Variants in STPG2 observed in about 807,000 individuals in gnomAD.
STPG2 encodes the protein sperm tail PG-rich repeat containing 2.
Under a neutral mutation model 54.2 loss-of-function variants are expected in STPG2, and 56 were observed. The observed-to-expected ratio is 1.03, with a 90% CI of 0.83 to 1.29. STPG2 has a LOEUF of 1.29. STPG2 is among the 50% of genes most tolerant of loss of function. The probability of loss-of-function intolerance (pLI) is 0.00; values close to 1 mark genes in which losing one functional copy is unlikely to be tolerated. For synonymous variants in STPG2, 200 were observed against 181.8 expected, an observed-to-expected ratio of 1.10 and a Z score of -0.81; for missense variants, 596 against 544.9, an observed-to-expected ratio of 1.09 and a Z score of -0.93.
chr4:97,658,061 A>G (rs1335650338), intron 10 of STPG2, among the ~76,000 whole-genome samples: 1 of 152,196 alleles, frequency 6.6e-6, no homozygotes, highest in Non-Finnish European at 1.5e-5. Flanking sequence ...GGAGAATTCT[A>G]TGATGATGGA....
At chr4:97,984,233 C>T (rs1444515725) in intron 5 of STPG2, among the ~76,000 whole-genome samples, 1 of 152,174 alleles carries the variant, frequency 6.6e-6, no homozygotes, top group Non-Finnish European at 1.5e-5. Flanking sequence ...GAACCTCCAC[C>T]TCTTGGGTTC....
intron 7 of STPG2, among the ~76,000 whole-genome samples, chr4:97,959,850 A>G (rs1417664483): frequency 2.6e-5 from 4 of 152,144 alleles, no homozygotes; most frequent in Admixed American, 2.6e-4. Context: ...CATTCTATAA[A>G]GCCAGTATCA....
At chr4:97,863,636 A>C (rs1305083983) in intron 8 of STPG2, among the ~76,000 whole-genome samples, 4 of 152,136 alleles carry the variant, frequency 2.6e-5, no homozygotes, top group African/African-American at 7.2e-5. Context: ...CCTGGCAGAG[A>C]CACAACAAAA....
chr4:97,874,614 T>A (rs1730108665), intron 8 of STPG2, among the ~76,000 whole-genome samples: 1 of 151,780 alleles, frequency 6.6e-6, no homozygotes, highest in South Asian at 2.1e-4. Flanking sequence ...GATTCAAATA[T>A]TTCATAGTAT....
At chr4:98,112,167 G>A (rs887616373) in intron 3 of STPG2, among the ~76,000 whole-genome samples, 1 of 151,876 alleles carries the variant, frequency 6.6e-6, no homozygotes, top group African/African-American at 2.4e-5. Flanking sequence ...ATGTTTCAAT[G>A]ATGGACTGCA....
At chr4:98,057,448 G>C (rs947021919) in intron 5 of STPG2, among the ~76,000 whole-genome samples, 1 of 151,216 alleles carries the variant, frequency 6.6e-6, no homozygotes, top group Non-Finnish European at 1.5e-5. Flanking sequence ...CCAAGTGAAG[G>C]AAAGAATCTC....
chr4:97,788,910 G>C (rs752564964), intron 9 of STPG2, among the ~76,000 whole-genome samples: 1 of 151,892 alleles, frequency 6.6e-6, no homozygotes, highest in Non-Finnish European at 1.5e-5. Context: ...TGTCTTGAAC[G>C]TAAATAAAGA....
At chr4:97,888,118 A>C (rs1730645692) in intron 8 of STPG2, among the ~76,000 whole-genome samples, 1 of 152,228 alleles carries the variant, frequency 6.6e-6, no homozygotes, top group Non-Finnish European at 1.5e-5. Context: ...AGCCTGCTGC[A>C]GGGGCAGAGC....
At position 98,143,420 on chromosome 4, in the gene STPG2, C is replaced by T. The variant is rs1740361519; in HGVS notation, c.-270G>A. ...CACACAATCATCAGTTTGCCAGGTG[C>T]ACGCCACCAAAATTGGGTATTAGGG... is the stretch of plus-strand genomic sequence containing the variant. On this transcript the variant is annotated 5_prime_UTR_variant, in exon 1 of 11. Transcript: ENST00000295268. 6.6e-6 allele frequency among the ~76,000 whole-genome samples: 1 copy of T among 152,168 alleles called. No homozygotes were observed. Among genetic ancestry groups the T allele is most frequent in the African/African-American group, 2.4e-5 (1 of 41,450 alleles).
Position 97,451,848 on chromosome 4 carries a change from C to T in STPG2, c.462+260851G>A, listed in dbSNP as rs535987558. ...CCATAGAAATTACTAATAAAATATG[C>T]AATTAGAGAAAATCATGTGTTAATG... On this transcript the variant is annotated intron_variant, in intron 4 of 4. Transcript: ENST00000522676. 3.3e-5 allele frequency among the ~76,000 whole-genome samples: 5 copies of T among 152,138 alleles called. No individual in the cohort carries two copies. The South Asian group carries it at 1.0e-3, about 31-fold the overall frequency.
intron 4 of STPG2, among the ~76,000 whole-genome samples, chr4:98,107,285 A>C (rs1181779775): frequency 6.6e-6 from 1 of 152,128 alleles, no homozygotes. Context: ...TGACTCACTA[A>C]ATAAAACAAA....
intron 5 of STPG2, among the ~76,000 whole-genome samples, chr4:98,043,174 G>C (rs28829607): frequency 0.39 from 59,857 of 151,648 alleles, 12,036 homozygotes; most frequent in Middle Eastern, 0.46. Flanking sequence ...TTTACAATTT[G>C]CATGGAATAT....
intron 9 of STPG2, among the ~76,000 whole-genome samples, chr4:97,832,543 G>C (rs571325958): frequency 6.6e-6 from 1 of 152,130 alleles, no homozygotes; most frequent in Non-Finnish European, 1.5e-5. Flanking sequence ...AAGATATAAA[G>C]GGTATTCAAA....
At chr4:97,640,713 T>A (rs892852581) in intron 10 of STPG2, among the ~76,000 whole-genome samples, 14 of 151,414 alleles carry the variant, frequency 9.2e-5, no homozygotes, top group Non-Finnish European at 1.8e-4. Flanking sequence ...AAACAAAAAA[T>A]TTATAATATA....
intron 4 of STPG2, among the ~76,000 whole-genome samples, chr4:97,480,844 A>AT (rs908416103): frequency 2.4e-4 from 37 of 151,358 alleles, no homozygotes; most frequent in South Asian, 4.2e-4. Flanking sequence ...TTTTTAAAAC[A>AT]TTTTTTTTCC....
chr4:97,963,652 GAAATACATATATATAT>G (rs1578736818), intron 7 of STPG2, among the ~76,000 whole-genome samples: 1 of 151,356 alleles, frequency 6.6e-6, no homozygotes, highest in Non-Finnish European at 1.5e-5. Context: ...GACCCTATTT[GAAATACATATATATAT>G]AAATACATAT....
chr4:97,933,587 G>T (rs1181982891), intron 8 of STPG2, among the ~76,000 whole-genome samples: 1 of 152,072 alleles, frequency 6.6e-6, no homozygotes, highest in East Asian at 1.9e-4. Context: ...TATATGGTTG[G>T]CCAGTTTTCC....
At chr4:97,925,189 A>G (rs908986675) in intron 8 of STPG2, among the ~76,000 whole-genome samples, 1 of 152,220 alleles carries the variant, frequency 6.6e-6, no homozygotes, top group Non-Finnish European at 1.5e-5. Flanking sequence ...TCTCTTCACA[A>G]TCTATATAAC....
At chr4:97,931,226 T>G (rs968846867) in intron 8 of STPG2, among the ~76,000 whole-genome samples, 1 of 152,218 alleles carries the variant, frequency 6.6e-6, no homozygotes, top group Non-Finnish European at 1.5e-5. Flanking sequence ...CTATGCTGAA[T>G]AAAAGTGGTG....
Sources: gnomAD v4.1 joint callset for allele counts (sites outside exome capture counted in the v4.1 genomes callset) on GRCh38, gnomAD v4.1.1 for gene constraint, MANE v1.5 for transcripts, NCBI Gene and HGNC (gene_info 2026-07-23, HGNC 2026-07-21) for gene names.